The following ASB9 variants were observed in gnomAD, a reference collection of about 807,000 sequenced individuals.
ASB9 encodes ankyrin repeat and SOCS box containing 9, also known as ankyrin repeat and SOCS box protein 9.
Under a neutral mutation model 16.6 loss-of-function variants are expected in ASB9, and 5 were observed. The observed-to-expected ratio is 0.30, with a 90% confidence interval of 0.16 to 0.63. ASB9 has a LOEUF of 0.63. Ranked by LOEUF, ASB9 falls within the 30% of genes least tolerant of loss-of-function variation. The pLI is 0.82. For synonymous variants in ASB9, 100 were observed against 86.4 expected (o/e 1.16, Z -0.87); for missense variants, 216 against 229.4 (o/e 0.94, Z 0.38).
intron 1 of ASB9, 29 bp from the exon 2 acceptor site, chrX:15,258,974 T>C (rs1172059287): frequency 7.2e-6 from 8 of 1,114,345 alleles, no homozygotes; most frequent in Non-Finnish European, 9.9e-6. Flanking sequence ...ATGGGTTATA[T>C]CCTGCTAATG....
chrX:15,252,502 C>T (rs1925206081), intron 3 of ASB9, 98 bp from the exon 4 acceptor site: 1 of 818,504 alleles, frequency 1.2e-6, no homozygotes, highest in African/African-American at 2.1e-5. Context: ...CATCTCTGAG[C>T]CTTAAATTCC....
intron 1 of ASB9, among the ~76,000 whole-genome samples, chrX:15,268,334 A>AAAAAAAC (rs780309846): frequency 9.6e-6 from 1 of 104,283 alleles, no homozygotes; most frequent in Non-Finnish European, 2.0e-5. Context: ...TCCGTCTCAA[A>AAAAAAAC]AAAACAAAAC....
Position 15,269,879 on chromosome X carries a change from C to T in ASB9, c.-5G>A, listed in dbSNP as rs778703434. 1.7e-6 allele frequency: 2 copies of T among 1,197,433 alleles called. No individual in the cohort carries two copies. The highest frequency in any genetic ancestry group is 3.6e-5 in the South Asian group (2 of 55,124). On this transcript the variant is annotated 5_prime_UTR_variant, in exon 1 of 7. Coordinates refer to ENST00000380488, the MANE Select transcript of ASB9 (RefSeq NM_001031739.3). ...GCCCCCTTGTTTGCCATCCATGATG[C>T]TCTCTCCTAAGCGAGCAAGCTCTGC...
chrX:15,250,403 CTT>C (rs760314051), intron 5 of ASB9, 25 bp downstream of exon 5: 1 of 1,191,506 alleles, frequency 8.4e-7, no homozygotes, highest in East Asian at 3.0e-5. Flanking sequence ...GTTTTCTTTT[CTT>C]GTTTTGGTTT....
intron 1 of ASB9, among the ~76,000 whole-genome samples, chrX:15,266,815 A>G (rs1190753577): frequency 2.7e-5 from 3 of 109,579 alleles, no homozygotes; most frequent in Non-Finnish European, 5.7e-5. Context: ...GGGCGCCTGT[A>G]GTCCCAGCTA....
intron 1 of ASB9, among the ~76,000 whole-genome samples, chrX:15,264,727 G>T: frequency 8.9e-6 from 1 of 111,859 alleles, no homozygotes; most frequent in Non-Finnish European, 1.9e-5. Context: ...CTTCACCAAG[G>T]TTAAGACCTC....
At chrX:15,267,307 T>TCC (rs1926532038) in intron 1 of ASB9, among the ~76,000 whole-genome samples, 1 of 111,615 alleles carries the variant, frequency 9.0e-6, no homozygotes, top group East Asian at 2.8e-4. Flanking sequence ...TCCCTGCCTC[T>TCC]CCCTCCTGAG....
At chrX:15,263,082 A>G (rs1445837295) in intron 1 of ASB9, among the ~76,000 whole-genome samples, 1 of 112,171 alleles carries the variant, frequency 8.9e-6, no homozygotes, top group African/African-American at 3.2e-5. Context: ...TAATTTGTGG[A>G]ACATTTTTTT....
intron 1 of ASB9, among the ~76,000 whole-genome samples, chrX:15,260,909 G>C (rs183314855): frequency 8.9e-6 from 1 of 112,031 alleles, no homozygotes; most frequent in Non-Finnish European, 1.9e-5. Flanking sequence ...CATTCTTCCA[G>C]ATGGATTCAT....
chrX:15,268,526 A>C (rs1926731452), intron 1 of ASB9, among the ~76,000 whole-genome samples: 1 of 99,775 alleles, frequency 1.0e-5, no homozygotes. Flanking sequence ...CCCGGGTTCA[A>C]GTGATTCTCC....
At chrX:15,259,047 G>A in intron 1 of ASB9, 102 bp from the exon 2 acceptor site, 2 of 544,674 alleles carry the variant, frequency 3.7e-6, no homozygotes, top group South Asian at 9.0e-5. Flanking sequence ...TGGATGGAGG[G>A]AGACATTGGA....
chrX:15,258,806 T>G, intron 2 of ASB9, 60 bp downstream of exon 2: 6 of 935,781 alleles, frequency 6.4e-6, no homozygotes, highest in Non-Finnish European at 9.3e-6. Flanking sequence ...TGTTATTATG[T>G]CACACATTTG....
In ASB9 at chrX:15,270,016, C is replaced by T; in HGVS notation, c.-142G>A. The stretch of plus-strand genomic sequence containing the variant: ...CACGTTCTGGTCAAATGGTCTGCAG[C>T]AAAGCACAGAGCAGGCAGGGTAATC... On this transcript the variant is annotated 5_prime_UTR_variant, in exon 1 of 7. Coordinates refer to ENST00000380488, the MANE Select transcript of ASB9 (RefSeq NM_001031739.3). The T allele has an allele frequency of 2.2e-6, 1 of 444,798 alleles. No individual in the cohort carries two copies. Among genetic ancestry groups the T allele is most frequent in the East Asian group, 4.1e-5 (1 of 24,364 alleles). 36.7% of individuals were successfully genotyped at this position (444,798 alleles called of 1,213,427 possible).
At chrX:15,269,721 C>T in intron 1 of ASB9, 60 bp downstream of exon 1, 2 of 1,028,824 alleles carry the variant, frequency 1.9e-6, no homozygotes, top group Non-Finnish European at 2.6e-6. Flanking sequence ...GCCCAACCCT[C>T]CTCTCCTAAG....
chrX:15,245,337 G>A (rs1924569639), intron 6 of ASB9, among the ~76,000 whole-genome samples: 2 of 110,796 alleles, frequency 1.8e-5, no homozygotes, highest in South Asian at 7.6e-4. Flanking sequence ...GGTGCTACTG[G>A]CATCTAATGG....
intron 6 of ASB9, among the ~76,000 whole-genome samples, chrX:15,245,010 A>G (rs1320192229): frequency 3.6e-5 from 4 of 112,229 alleles, no homozygotes. Context: ...TTCTAGATGC[A>G]AACATTTTTA....
chrX:15,245,029 CTT>C (rs916566211), intron 6 of ASB9, among the ~76,000 whole-genome samples: 3 of 112,048 alleles, frequency 2.7e-5, no homozygotes, highest in Non-Finnish European at 5.6e-5. Context: ...TATTTTATAA[CTT>C]GAGCAAATTA....
At chrX:15,248,630 T>C (rs1401440503) in intron 6 of ASB9, 114 bp downstream of exon 6, 2 of 1,093,125 alleles carry the variant, frequency 1.8e-6, no homozygotes, top group East Asian at 6.1e-5. Context: ...TTTGGTGATG[T>C]CAGAGAATGA....
chrX:15,266,796 C>T (rs985318073), intron 1 of ASB9, among the ~76,000 whole-genome samples: 1 of 108,642 alleles, frequency 9.2e-6, no homozygotes. Flanking sequence ...ATTAGCCGGG[C>T]GTGGTGGCGG....
Sources: allele counts gnomAD v4.1 joint callset (sites outside exome capture counted in the v4.1 genomes callset), GRCh38; gene constraint gnomAD v4.1.1; transcripts MANE v1.5; gene names NCBI Gene and HGNC (gene_info 2026-07-23, HGNC 2026-07-21).